MCTP2: variants seen among roughly 807,000 people sequenced by gnomAD.
MCTP2 encodes multiple C2 and transmembrane domain-containing protein 2.
Under a neutral mutation model 111.6 loss-of-function variants are expected in MCTP2, and 132 were observed. The ratio of observed to expected loss-of-function variants is 1.18; its 90% CI spans 1.03 to 1.37. MCTP2 has a LOEUF of 1.37. MCTP2 is among the 40% of genes most tolerant of loss of function. The pLI is 0.00. For missense variants in MCTP2, 1,183 were observed against 1,067.9 expected (o/e 1.11, Z -1.50); for synonymous variants, 395 against 387.7 (o/e 1.02, Z -0.22).
chr15:94,389,167 CA>C (rs1255498642), intron 14 of MCTP2, among the ~76,000 whole-genome samples: 1 of 150,588 alleles, frequency 6.6e-6, no homozygotes, highest in South Asian at 2.1e-4. Context: ...TGAGCTGGGT[CA>C]GGGGTGAGTG....
At position 94,479,165 on chromosome 15, in the gene MCTP2, C is replaced by G. The variant is rs1423744168; in HGVS notation, c.*131C>G. The G allele has an allele frequency of 1.5e-5, 12 of 822,346 alleles. No homozygotes were observed. The highest frequency in any genetic ancestry group is 1.9e-5 in the Admixed American group (1 of 52,094). 50.9% of individuals were successfully genotyped at this position (822,346 alleles called of 1,614,324 possible). A position where few individuals can be genotyped will look rare whatever the true frequency, so the allele number is the denominator to read the frequency against. On this transcript the variant is annotated 3_prime_UTR_variant, in exon 23 of 23. Transcript: ENST00000357742. ...CCCTGTGGCACCCTCTGTATACTTC[C>G]TCCTCCTTCACGTGCACAGACATAC...
intron 1 of MCTP2, among the ~76,000 whole-genome samples, chr15:94,259,104 T>C (rs922173365): frequency 2.0e-5 from 3 of 152,194 alleles, no homozygotes; most frequent in Non-Finnish European, 4.4e-5. Flanking sequence ...CCCTGGGCCA[T>C]GCTCACTCAG....
chr15:94,452,345 G>A (rs1031296615), intron 19 of MCTP2, among the ~76,000 whole-genome samples: 12 of 152,116 alleles, frequency 7.9e-5, no homozygotes, highest in African/African-American at 2.4e-4. Flanking sequence ...AATGATAGAG[G>A]TACAATGCAA....
intron 17 of MCTP2, among the ~76,000 whole-genome samples, chr15:94,435,629 C>CTTTTTTTTTTTT (rs202170550): frequency 2.4e-4 from 28 of 117,920 alleles, no homozygotes; most frequent in African/African-American, 2.8e-4. Flanking sequence ...TTTTTTTATT[C>CTTTTTTTTTTTT]TTTTTTTTTT....
intron 17 of MCTP2, among the ~76,000 whole-genome samples, chr15:94,427,191 A>G (rs561526769): frequency 6.6e-6 from 1 of 152,130 alleles, no homozygotes; most frequent in South Asian, 2.1e-4. Flanking sequence ...CCATGCATGC[A>G]CTCCAATTTT....
At chr15:94,272,730 AT>A (rs34173287) in intron 1 of MCTP2, among the ~76,000 whole-genome samples, 5 of 150,946 alleles carry the variant, frequency 3.3e-5, no homozygotes, top group East Asian at 1.9e-4. Flanking sequence ...ATAACACCAT[AT>A]TTTTTTTTCC....
intron 10 of MCTP2, among the ~76,000 whole-genome samples, chr15:94,362,838 C>T (rs1458180802): frequency 2.0e-5 from 3 of 152,082 alleles, no homozygotes; most frequent in African/African-American, 7.2e-5. Flanking sequence ...AACATTAAAA[C>T]GCTGTGGGAT....
At chr15:94,340,319 G>A in intron 6 of MCTP2, 44 bp downstream of exon 6, 1 of 1,376,792 alleles carries the variant, frequency 7.3e-7, no homozygotes, top group Non-Finnish European at 1.0e-6. Context: ...GAGTTTTAGA[G>A]GGAACTTACG....
chr15:94,276,037 GA>G (rs1299046721), intron 1 of MCTP2, among the ~76,000 whole-genome samples: 1 of 151,848 alleles, frequency 6.6e-6, no homozygotes, highest in Non-Finnish European at 1.5e-5. Flanking sequence ...GTAGAGATGG[GA>G]TTTCACCGTG....
chr15:94,405,168 T>G (rs1225752031), intron 17 of MCTP2, among the ~76,000 whole-genome samples: 3 of 152,158 alleles, frequency 2.0e-5, no homozygotes, highest in Non-Finnish European at 4.4e-5. Flanking sequence ...CTGGTGGGGC[T>G]TTTCTTCTTG....
chr15:94,407,722 A>G (rs2152482370), intron 17 of MCTP2, among the ~76,000 whole-genome samples: 1 of 152,154 alleles, frequency 6.6e-6, no homozygotes. Flanking sequence ...CATAGAACTT[A>G]AAAACAACAG....
chr15:94,297,325 C>A (rs913591191), intron 1 of MCTP2, among the ~76,000 whole-genome samples: 1 of 152,174 alleles, frequency 6.6e-6, no homozygotes, highest in Non-Finnish European at 1.5e-5. Flanking sequence ...TGTGAAGCAT[C>A]CTTATCCCTC....
At chr15:94,425,244 G>T (rs1331056161) in intron 17 of MCTP2, among the ~76,000 whole-genome samples, 2 of 151,936 alleles carry the variant, frequency 1.3e-5, no homozygotes, top group African/African-American at 2.4e-5. Flanking sequence ...CAATTTCTAC[G>T]AAGTCATAAA....
intron 20 of MCTP2, among the ~76,000 whole-genome samples, chr15:94,463,206 A>G (rs964608430): frequency 1.3e-5 from 2 of 152,216 alleles, no homozygotes; most frequent in East Asian, 3.8e-4. Flanking sequence ...ATCCAGATAC[A>G]TGCTTAAGTT....
intron 2 of MCTP2, among the ~76,000 whole-genome samples, chr15:94,310,604 G>C (rs2076079577): frequency 6.6e-6 from 1 of 151,954 alleles, no homozygotes; most frequent in Non-Finnish European, 1.5e-5. Context: ...GCCTGGGCTG[G>C]TGTGCGACAG....
At chr15:94,324,220 C>T (rs1180798512) in intron 4 of MCTP2, among the ~76,000 whole-genome samples, 2 of 152,230 alleles carry the variant, frequency 1.3e-5, no homozygotes, top group South Asian at 4.1e-4. Context: ...GCTTGAACTT[C>T]AGCCTTGCGA....
rs74031261 is a variant in MCTP2 at position 94,460,819 on chromosome 15, C to G, written c.2360+2573C>G. 7.2e-3 allele frequency among the ~76,000 whole-genome samples: 1,092 copies of G among 152,312 alleles called. 17 individuals carry two copies. Among genetic ancestry groups the G allele is most frequent in the African/African-American group, 0.025 (1,033 of 41,564 alleles). ...ACAGGAAGGCTGCTAAGGCTCAACT[C>G]CTATTGATTCTTGGCCATTCATTAT... On this transcript the variant is annotated intron_variant, in intron 20 of 22. Transcript: ENST00000357742.
chr15:94,243,013 GTGTATATGTGTATCTACAC>G (rs2071131561), intron 1 of MCTP2, among the ~76,000 whole-genome samples: 1 of 79,632 alleles, frequency 1.3e-5, no homozygotes, highest in Non-Finnish European at 2.8e-5. Flanking sequence ...ACACATACAC[GTGTATATGTGTATCTACAC>G]ATACACGTGT....
intron 1 of MCTP2, among the ~76,000 whole-genome samples, chr15:94,288,942 A>C (rs1287729791): frequency 6.6e-6 from 1 of 152,238 alleles, no homozygotes; most frequent in African/African-American, 2.4e-5. Context: ...AGAGTCAGTA[A>C]AACTGAAGAT....
Sources: allele counts gnomAD v4.1 joint callset (sites outside exome capture counted in the v4.1 genomes callset), GRCh38; gene constraint gnomAD v4.1.1; transcripts MANE v1.5; gene names NCBI Gene and HGNC (gene_info 2026-07-23, HGNC 2026-07-21).